NLRP5: variants seen among roughly 807,000 people sequenced by gnomAD.
NLRP5 encodes the protein NLR family pyrin domain containing 5.
In NLRP5, 93 loss-of-function variants were observed where a neutral mutation model predicts 113.1. The observed-to-expected ratio is 0.82, with a 90% CI of 0.70 to 0.98. The LOEUF is 0.98. Ranked by LOEUF, NLRP5 falls within the 50% of genes least tolerant of loss-of-function variation. The pLI is 0.00. For synonymous variants in NLRP5, 751 were observed against 600.7 expected, an observed-to-expected ratio of 1.25 and a Z score of -3.66; for missense variants, 1,808 against 1,514.3, an observed-to-expected ratio of 1.19 and a Z score of -3.22.
At chr19:56,026,017 C>A (rs1183329616) in intron 6 of NLRP5, among the ~76,000 whole-genome samples, 1 of 152,094 alleles carries the variant, frequency 6.6e-6, no homozygotes, top group African/African-American at 2.4e-5. Flanking sequence ...CGTAACCCAT[C>A]AGGTCCCCAG....
chr19:56,061,482 G>A lies in NLRP5; in HGVS notation c.3557G>A (p.Ser1186Asn). 2 of 1,614,054 alleles carry A rather than the reference G, an allele frequency of 1.2e-6. No individual in the cohort carries two copies. Among genetic ancestry groups the A allele is most frequent in the South Asian group, 2.2e-5 (2 of 91,090 alleles). ...AAGCCCCGAGTCGTAATTGACGGTA[G>A]TTGGCATTCTTTTGATGAAGATGAC... Residue 1186 changes from serine (S) to asparagine (N), a missense_variant, in exon 15 of 15, where the codon AGT (serine) becomes AAT (asparagine). Physicochemically the swap from Ser to Asn is conservative, Grantham distance 46. Coordinates refer to ENST00000390649, the MANE Select transcript of NLRP5 (RefSeq NM_153447.4).
intron 6 of NLRP5, among the ~76,000 whole-genome samples, chr19:56,024,936 A>T (rs1568489840): frequency 6.6e-6 from 1 of 150,528 alleles, no homozygotes; most frequent in Non-Finnish European, 1.5e-5. Flanking sequence ...GCTGCTCCCC[A>T]TGACTCATGT....
intron 1 of NLRP5, among the ~76,000 whole-genome samples, chr19:56,000,619 C>A (rs1335715769): frequency 3.3e-5 from 5 of 151,900 alleles, no homozygotes; most frequent in African/African-American, 1.2e-4. Flanking sequence ...CCACTTTGGC[C>A]TCCCAAAGTG....
the NLRP5 span, among the ~76,000 whole-genome samples, chr19:55,991,274 G>A: frequency 2.6e-5 from 4 of 152,162 alleles, no homozygotes; most frequent in African/African-American, 7.2e-5. Context: ...TTTAGCCCCC[G>A]GAAATGGTGA....
chr19:56,016,567 G>C (rs1216060072), intron 4 of NLRP5, among the ~76,000 whole-genome samples: 10 of 152,202 alleles, frequency 6.6e-5, no homozygotes, highest in Non-Finnish European at 1.3e-4. Flanking sequence ...CTAGCTGTAA[G>C]TTTGTACCTG....
intron 11 of NLRP5, among the ~76,000 whole-genome samples, chr19:56,045,731 G>A (rs887121591): frequency 9.2e-5 from 14 of 152,002 alleles, no homozygotes; most frequent in Admixed American, 2.0e-4. Flanking sequence ...TAACAGTCTG[G>A]GACCGTTTAT....
At chr19:56,024,627 A>C (rs937378989) in intron 6 of NLRP5, among the ~76,000 whole-genome samples, 5 of 151,070 alleles carry the variant, frequency 3.3e-5, no homozygotes, top group African/African-American at 1.2e-4. Context: ...GCATGGTGGC[A>C]GGCACCTGTA....
chr19:55,999,622 C>T (rs1224519298), upstream of NLRP5: 12 of 885,296 alleles, frequency 1.4e-5, no homozygotes, highest in African/African-American at 1.8e-4. Flanking sequence ...TGTTGCTTCA[C>T]TGAAACCTCA....
intron 9 of NLRP5, among the ~76,000 whole-genome samples, chr19:56,036,841 C>T (rs1983336489): frequency 6.6e-6 from 1 of 152,110 alleles, no homozygotes; most frequent in Non-Finnish European, 1.5e-5. Flanking sequence ...CCTGTAATCC[C>T]AGCTACTTGG....
chr19:55,995,843 A>G (rs182606601), upstream of NLRP5, among the ~76,000 whole-genome samples: 497 of 152,102 alleles, frequency 3.3e-3, 4 homozygotes, highest in African/African-American at 0.012. Context: ...GCTATTATAA[A>G]GGACATTGCT....
chr19:56,006,431 A>ATTT (rs1297058033), intron 2 of NLRP5, among the ~76,000 whole-genome samples: 4 of 152,040 alleles, frequency 2.6e-5, no homozygotes, highest in Admixed American at 6.6e-5. Flanking sequence ...TAATTTTAAA[A>ATTT]AAAAAATGGA....
intron 2 of NLRP5, among the ~76,000 whole-genome samples, chr19:56,005,402 T>C (rs977008326): frequency 3.6e-4 from 53 of 148,386 alleles, no homozygotes; most frequent in Non-Finnish European, 6.1e-4. Flanking sequence ...TACACACACA[T>C]ATACACATAT....
chr19:56,007,904 C>CGTGTGT (rs57588214), intron 2 of NLRP5, among the ~76,000 whole-genome samples: 3,544 of 110,118 alleles, frequency 0.032, 442 homozygotes, highest in African/African-American at 0.071. Context: ...TGCGCGCGTG[C>CGTGTGT]GTGTGTGTGT....
At chr19:56,039,791 G>A (rs954354767) in intron 10 of NLRP5, among the ~76,000 whole-genome samples, 1 of 152,118 alleles carries the variant, frequency 6.6e-6, no homozygotes, top group Non-Finnish European at 1.5e-5. Context: ...GCAGGCGCCT[G>A]CAATCCCAGC....
In NLRP5 at chr19:56,008,224, G is replaced by T. The variant is rs141386820; in HGVS notation, c.443-564G>T. On this transcript the variant is annotated intron_variant, in intron 2 of 14. Coordinates refer to ENST00000390649, the MANE Select transcript of NLRP5 (RefSeq NM_153447.4). Reference sequence around the variant, plus strand: ...ATTACAGGCGTGAGCCACCGCGCCTGGCCACAAGACAGTTTTTAAGAACTA... The same window carrying T: ...ATTACAGGCGTGAGCCACCGCGCCTTGCCACAAGACAGTTTTTAAGAACTA... Among the ~76,000 whole-genome samples, 53 of 152,108 alleles carry T rather than the reference G, an allele frequency of 3.5e-4. 2 individuals are homozygous for T. The East Asian group carries it at 4.6e-3, about 13-fold the overall frequency.
rs200554283 is a variant in NLRP5, at chr19:56,027,890, G to A, written c.1657G>A (p.Val553Ile). 1,348 of 1,613,792 alleles carry A rather than the reference G, an allele frequency of 8.4e-4. 1 individual carries two copies. Among genetic ancestry groups the A allele is most frequent in the Non-Finnish European group, 1.1e-3 (1,259 of 1,179,852 alleles). Residue 553 changes from valine (V) to isoleucine (I), a missense_variant, in exon 7 of 15, where the codon GTT (valine) becomes ATT (isoleucine). Physicochemically the swap from Val to Ile is conservative, Grantham distance 29. Transcript: ENST00000390649. ...AGTGTTTGACGGTGACGACCTCATGGTTCAAGGACTCGGGGAGTCTGAGCT... is the reference window on the plus strand; with the variant it reads ...AGTGTTTGACGGTGACGACCTCATGATTCAAGGACTCGGGGAGTCTGAGCT...
chr19:56,027,316 T>C lies in NLRP5; in HGVS notation c.1083T>C (p.Ile361=). The C allele has an allele frequency of 6.2e-7, 1 of 1,612,480 alleles. No homozygotes were observed. Among genetic ancestry groups the C allele is most frequent in the Non-Finnish European group, 8.5e-7 (1 of 1,179,862 alleles). ...GACCAGAAAGGCTGTTGTTCATCAT[T>C]GACGGTTTCGATGACCTGGGCTCTG... Residue 361 remains isoleucine, a synonymous_variant, in exon 7 of 15, where the codon ATT becomes ATC. Coordinates refer to ENST00000390649, the MANE Select transcript of NLRP5 (RefSeq NM_153447.4).
intron 8 of NLRP5, 117 bp downstream of exon 8, chr19:56,032,898 C>A (rs1983177467): frequency 2.9e-6 from 3 of 1,023,184 alleles, no homozygotes; most frequent in Non-Finnish European, 2.8e-6. Flanking sequence ...GCATAAGTGC[C>A]ACCAAAGGTG....
At chr19:55,999,714 G>A, upstream of NLRP5, 1 of 1,604,550 alleles carries the variant, frequency 6.2e-7, no homozygotes, top group Non-Finnish European at 8.5e-7. Context: ...TACTTTCCAT[G>A]GCGATGTTAT....
Sources: allele counts gnomAD v4.1 joint callset (sites outside exome capture counted in the v4.1 genomes callset), GRCh38; gene constraint gnomAD v4.1.1; transcripts MANE v1.5; gene names NCBI Gene and HGNC (gene_info 2026-07-23, HGNC 2026-07-21).